DCBLD2: variants seen among roughly 807,000 people sequenced by gnomAD.
The protein encoded by DCBLD2 is discoidin, CUB and LCCL domain containing 2.
In DCBLD2, 54 loss-of-function variants were observed where a neutral mutation model predicts 86.8. The ratio of observed to expected loss-of-function variants is 0.62; its 90% CI spans 0.50 to 0.78. The LOEUF is 0.78. DCBLD2 is among the 30% of genes least tolerant of loss of function. DCBLD2 has a pLI of 0.00. For synonymous variants in DCBLD2, 354 were observed against 341.3 expected (o/e 1.04, Z -0.41); for missense variants, 908 against 954.2 (o/e 0.95, Z 0.64).
chr3:98,887,296 T>C (rs1173304527), intron 1 of DCBLD2, among the ~76,000 whole-genome samples: 2 of 151,926 alleles, frequency 1.3e-5, no homozygotes, highest in African/African-American at 2.4e-5. Context: ...GCATGGAGCT[T>C]TTACGAAACA....
intron 6 of DCBLD2, chr3:98,821,976 A>G (rs2922213): frequency 0.99 from 452,122 of 457,730 alleles, 223,527 homozygotes; most frequent in East Asian, 1. Flanking sequence ...AAACCAGAAT[A>G]CAGAGGTTGC....
intron 1 of DCBLD2, among the ~76,000 whole-genome samples, chr3:98,886,808 C>CCA (rs1414468381): frequency 1.6e-5 from 2 of 125,274 alleles, no homozygotes; most frequent in Admixed American, 1.6e-4. Flanking sequence ...AAACCCCCCC[C>CCA]CTTTTTTTTT....
intron 1 of DCBLD2, among the ~76,000 whole-genome samples, chr3:98,885,924 C>G (rs1050993460): frequency 1.3e-5 from 2 of 151,496 alleles, no homozygotes; most frequent in African/African-American, 4.9e-5. Flanking sequence ...GCCAGAAAAG[C>G]TGCTAAAACA....
intron 3 of DCBLD2, among the ~76,000 whole-genome samples, chr3:98,838,170 C>A (rs1310022572): frequency 7.4e-5 from 9 of 121,132 alleles, no homozygotes; most frequent in African/African-American, 2.8e-4. Flanking sequence ...CCCTCCCGGA[C>A]GGGGTGGCTG....
At chr3:98,846,157 A>C (rs184338864) in intron 3 of DCBLD2, among the ~76,000 whole-genome samples, 1 of 152,328 alleles carries the variant, frequency 6.6e-6, no homozygotes, top group East Asian at 1.9e-4. Flanking sequence ...TGCACAAGGT[A>C]ATGAGAATTA....
intron 3 of DCBLD2, among the ~76,000 whole-genome samples, chr3:98,829,636 A>G (rs1043163874): frequency 5.3e-5 from 8 of 152,234 alleles, no homozygotes; most frequent in African/African-American, 1.9e-4. Context: ...TCCATAGTGT[A>G]TATGTACCAC....
intron 1 of DCBLD2, among the ~76,000 whole-genome samples, chr3:98,889,320 A>G (rs1365246092): frequency 6.6e-6 from 1 of 151,958 alleles, no homozygotes; most frequent in East Asian, 1.9e-4. Context: ...GTGGTACTCA[A>G]AGTCAAGTCA....
chr3:98,810,368 C>G (rs1176354070), intron 12 of DCBLD2, among the ~76,000 whole-genome samples: 1 of 152,180 alleles, frequency 6.6e-6, no homozygotes, highest in African/African-American at 2.4e-5. Context: ...AAAGAACCAA[C>G]ATGGGGAAAG....
intron 9 of DCBLD2, chr3:98,814,349 C>T (rs533095508): frequency 1.1e-4 from 16 of 152,240 alleles, no homozygotes; most frequent in African/African-American, 3.9e-4. Context: ...ATTACTTTAA[C>T]ACATAAAAAC....
At chr3:98,833,389 T>C (rs1326385665) in intron 3 of DCBLD2, among the ~76,000 whole-genome samples, 1 of 152,250 alleles carries the variant, frequency 6.6e-6, no homozygotes, top group Non-Finnish European at 1.5e-5. Context: ...CTCCTGAATC[T>C]CGATGCTCTT....
At chr3:98,882,334 G>C (rs995105488) in intron 1 of DCBLD2, among the ~76,000 whole-genome samples, 1 of 152,046 alleles carries the variant, frequency 6.6e-6, no homozygotes, top group South Asian at 2.1e-4. Flanking sequence ...TGTTCAAAAA[G>C]TGAATGTAAA....
chr3:98,839,144 C>CTTCCTTCTTTCTTTCT lies in DCBLD2; in HGVS notation c.571+10316_571+10317insAGAAAGAAAGAAGGAA, dbSNP rs1491105632. Reference sequence around the variant, plus strand: ...TTTTCTTTCTTTCCTTCCTTCCTTCCTTCTTTCTTTCTTTCTTTCTTTCTT... The same window carrying CTTCCTTCTTTCTTTCT: ...TTTTCTTTCTTTCCTTCCTTCCTTCCTTCCTTCTTTCTTTCTTTCTTTCTTTCTTTCTTTCTTTCTT... On this transcript the variant is annotated intron_variant, in intron 3 of 15. Transcript: ENST00000326840. 4.2e-3 allele frequency among the ~76,000 whole-genome samples: 470 copies of CTTCCTTCTTTCTTTCT among 110,962 alleles called. 4 individuals carry two copies. The highest frequency in any genetic ancestry group is 0.016 in the African/African-American group (448 of 28,402). 72.8% of individuals were successfully genotyped at this position (110,962 alleles called of 152,430 possible). A position where few individuals can be genotyped will look rare whatever the true frequency, so the allele number is the denominator to read the frequency against.
At chr3:98,866,650 G>T (rs2107506246) in intron 2 of DCBLD2, among the ~76,000 whole-genome samples, 1 of 152,236 alleles carries the variant, frequency 6.6e-6, no homozygotes, top group South Asian at 2.1e-4. Flanking sequence ...CTCCCATTCT[G>T]TAGGTTGCCT....
At chr3:98,854,092 A>G (rs932024704) in intron 2 of DCBLD2, among the ~76,000 whole-genome samples, 2 of 152,210 alleles carry the variant, frequency 1.3e-5, no homozygotes, top group African/African-American at 4.8e-5. Context: ...CCAGGCACTA[A>G]GCCAGGCAGG....
At chr3:98,838,905 G>A (rs540221702) in intron 3 of DCBLD2, among the ~76,000 whole-genome samples, 239 of 151,756 alleles carry the variant, frequency 1.6e-3, no homozygotes, top group Admixed American at 6.1e-3. Flanking sequence ...GCGTGGCGGC[G>A]CGTGCCTGCA....
intron 3 of DCBLD2, among the ~76,000 whole-genome samples, chr3:98,829,630 T>C (rs1217833432): frequency 1.3e-5 from 2 of 152,266 alleles, no homozygotes; most frequent in Non-Finnish European, 2.9e-5. Flanking sequence ...TAGTATTCCA[T>C]AGTGTATATG....
At chr3:98,808,651 A>G (rs549425303) in intron 12 of DCBLD2, among the ~76,000 whole-genome samples, 4 of 152,320 alleles carry the variant, frequency 2.6e-5, no homozygotes, top group Admixed American at 2.6e-4. Flanking sequence ...CAACACAAAA[A>G]AAGTTAAAAC....
At chr3:98,820,184 G>A in intron 7 of DCBLD2, 64 bp downstream of exon 7, 2 of 1,063,038 alleles carry the variant, frequency 1.9e-6, no homozygotes, top group African/African-American at 3.3e-5. Flanking sequence ...AACTGACACA[G>A]TGCCTAACAG....
intron 2 of DCBLD2, among the ~76,000 whole-genome samples, chr3:98,854,901 T>G (rs1221250742): frequency 6.6e-6 from 1 of 152,198 alleles, no homozygotes; most frequent in African/African-American, 2.4e-5. Flanking sequence ...AATAAGGCTT[T>G]AAGTGGAAAA....
Sources: allele counts gnomAD v4.1 joint callset (sites outside exome capture counted in the v4.1 genomes callset), GRCh38; gene constraint gnomAD v4.1.1; transcripts MANE v1.5; gene names NCBI Gene and HGNC (gene_info 2026-07-23, HGNC 2026-07-21).